The following PTCH1 variants were observed in gnomAD, a reference collection of about 807,000 sequenced individuals.
The protein encoded by PTCH1 is protein patched homolog 1.
Under a neutral mutation model 144.6 loss-of-function variants are expected in PTCH1, and 14 were observed. That is an observed-to-expected ratio of 0.10 (90% confidence interval 0.06 to 0.15). The LOEUF (loss-of-function observed/expected upper bound fraction) is 0.15. Among genes scored for constraint, PTCH1 ranks in the 10% least tolerant of loss-of-function variants. The pLI, the probability that PTCH1 is intolerant of heterozygous loss-of-function variation, is 1.00. For synonymous variants in PTCH1, 833 were observed against 793.6 expected, an observed-to-expected ratio of 1.05 and a Z score of -0.83; for missense variants, 1,623 against 1,948.3, an observed-to-expected ratio of 0.83 and a Z score of 3.14.
Position 95,458,107 on chromosome 9 carries a change from C to T in PTCH1, c.3074G>A (p.Arg1025His), listed in dbSNP as rs370150142. The T allele has an allele frequency of 6.2e-6, 10 of 1,614,084 alleles. No individual in the cohort carries two copies. The highest frequency in any genetic ancestry group is 1.7e-5 in the Admixed American group (1 of 60,006). Residue 1025 changes from arginine to histidine, a missense_variant, in exon 18 of 24, where the codon CGC (arginine) becomes CAC (histidine). By Grantham distance (29) the Arg-to-His change is conservative (BLOSUM62 0). Transcript: ENST00000331920. This position sits in a 1 kb window ranked among gnomAD's most constrained non-coding sequence, Gnocchi z 4.7. ...FLFWEQYIGLRHWLLLFISVV... is the reference protein window; with the variant it reads ...FLFWEQYIGLHHWLLLFISVV... ...GCTGATGAACAGCAGCAGCCAGTGG[C>T]GGAGGCCGATGTACTGCTCCCAGAA...
intron 16 of PTCH1, among the ~76,000 whole-genome samples, chr9:95,460,537 C>CT (rs1448631510): frequency 6.6e-6 from 1 of 152,064 alleles, no homozygotes; most frequent in Non-Finnish European, 1.5e-5. Context: ...CGCTTTGGGT[C>CT]TTTTTTAAAC....
In PTCH1 at chr9:95,449,306, G is replaced by A. The variant is rs62637630; in HGVS notation, c.3567C>T (p.Gly1189=). 1.1e-3 allele frequency: 1,769 copies of A among 1,552,730 alleles called. 14 individuals are homozygous for A. The African/African-American group carries it at 0.021, about 18-fold the overall frequency. The part of the protein sequence containing the change: ...GPYPEVSPAN[G]LNRLPTPSPE... Reference sequence around the variant, plus strand: ...GGGAGGGTGTGGGCAGGCGGTTCAAGCCGTTGGCTGGAGACACCTATTTAA... The same window carrying A: ...GGGAGGGTGTGGGCAGGCGGTTCAAACCGTTGGCTGGAGACACCTATTTAA... Residue 1189 remains glycine, a synonymous_variant, in exon 22 of 24, where the codon GGC becomes GGT. Transcript: ENST00000331920. This position sits in a 1 kb window ranked among gnomAD's most constrained non-coding sequence, Gnocchi z 5.3.
Position 95,449,180 on chromosome 9 carries a change from C to T in PTCH1, c.3693G>A (p.Val1231=), listed in dbSNP as rs376925924. 6.2e-7 allele frequency: 1 copy of T among 1,612,230 alleles called. No individual in the cohort carries two copies. Among genetic ancestry groups the T allele is most frequent in the Non-Finnish European group, 8.5e-7 (1 of 1,179,262 alleles). Reference sequence around the variant, plus strand: ...GCCGAAGCTCCTCGCTGAGGCCTGACACTGTCGTCTGGGAACTATACTCCG... The same window carrying T: ...GCCGAAGCTCCTCGCTGAGGCCTGATACTGTCGTCTGGGAACTATACTCCG... ...SDSEYSSQTT[V]SGLSEELRHY... Residue 1231 remains valine (V), a synonymous_variant, in exon 22 of 24, where the codon GTG becomes GTA. Transcript: ENST00000331920. This position sits in a 1 kb window ranked among gnomAD's most constrained non-coding sequence, Gnocchi z 5.3.
intron 2 of PTCH1, 91 bp downstream of exon 2, chr9:95,506,316 G>A: frequency 7.0e-7 from 1 of 1,428,974 alleles, no homozygotes; most frequent in Non-Finnish European, 9.5e-7. Flanking sequence ...GCCGGCCGCA[G>A]CCAGGCTCTA....
At chr9:95,482,067 T>C (rs1435441549) in intron 4 of PTCH1, 27 bp from the exon 5 acceptor site, 9 of 1,610,924 alleles carry the variant, frequency 5.6e-6, no homozygotes, top group East Asian at 2.2e-5. Context: ...GAAGAGGCCA[T>C]GCGTTAGGTT....
At chr9:95,514,711 A>C (rs912969761) in intron 1 of PTCH1, among the ~76,000 whole-genome samples, 2 of 152,172 alleles carry the variant, frequency 1.3e-5, no homozygotes, top group African/African-American at 4.8e-5. Flanking sequence ...GATTAACCTC[A>C]TCAGTTTATC....
intron 2 of PTCH1, among the ~76,000 whole-genome samples, chr9:95,486,403 C>G (rs963704786): frequency 3.3e-5 from 5 of 152,248 alleles, no homozygotes; most frequent in Non-Finnish European, 7.3e-5. Context: ...TAAAGTGATT[C>G]AAGTCAGATG....
intron 2 of PTCH1, among the ~76,000 whole-genome samples, chr9:95,498,704 T>G (rs1343252804): frequency 6.6e-6 from 1 of 152,086 alleles, no homozygotes; most frequent in East Asian, 1.9e-4. Context: ...GCACCCAAAT[T>G]CAAAGATTAG....
At chr9:95,451,872 C>T (rs1430499681) in intron 20 of PTCH1, 1 of 152,032 alleles carries the variant, frequency 6.6e-6, no homozygotes, top group East Asian at 1.9e-4. Flanking sequence ...AAACACAGAC[C>T]AAAACATTTA....
At chr9:95,516,165 C>G (rs1243170749) in intron 1 of PTCH1, among the ~76,000 whole-genome samples, 1 of 151,106 alleles carries the variant, frequency 6.6e-6, no homozygotes, top group Non-Finnish European at 1.5e-5. Flanking sequence ...CCCCCGGAGC[C>G]GTTCCTCAGC....
intron 12 of PTCH1, among the ~76,000 whole-genome samples, chr9:95,473,542 ATTTTTTT>A (rs34481207): frequency 8.4e-6 from 1 of 119,026 alleles, no homozygotes; most frequent in Non-Finnish European, 1.7e-5. Context: ...TTTCTATCCT[ATTTTTTT>A]TTTTTTTTTT....
intron 20 of PTCH1, chr9:95,451,358 G>C (rs1360598044): frequency 6.6e-6 from 1 of 152,204 alleles, no homozygotes; most frequent in Non-Finnish European, 1.5e-5. Context: ...TTTGACCTTG[G>C]TGAGGCCTTT....
intron 2 of PTCH1, among the ~76,000 whole-genome samples, chr9:95,487,534 C>A (rs1416349519): frequency 6.6e-6 from 1 of 152,176 alleles, no homozygotes; most frequent in African/African-American, 2.4e-5. Flanking sequence ...TACTTAACAC[C>A]ACGCAGACTT....
intron 2 of PTCH1, among the ~76,000 whole-genome samples, chr9:95,491,876 T>C (rs988292158): frequency 6.6e-5 from 10 of 152,196 alleles, no homozygotes; most frequent in Admixed American, 3.9e-4. Flanking sequence ...GAAGATGACA[T>C]GTTACAACTG....
intron 2 of PTCH1, chr9:95,494,514 A>G: frequency 3.3e-6 from 3 of 922,438 alleles, no homozygotes; most frequent in Non-Finnish European, 3.9e-6. Context: ...TTCCATCCGG[A>G]ACAGCGTACT....
chr9:95,492,101 C>A (rs1292744405), intron 2 of PTCH1, among the ~76,000 whole-genome samples: 1 of 152,220 alleles, frequency 6.6e-6, no homozygotes, highest in Non-Finnish European at 1.5e-5. Context: ...CCCTACACAA[C>A]CCACTCCCTG....
chr9:95,482,377 G>GATA, intron 3 of PTCH1, 174 bp from the exon 4 acceptor site: 1 of 635,966 alleles, frequency 1.6e-6, no homozygotes, highest in South Asian at 1.9e-5. Flanking sequence ...TTAATGAATA[G>GATA]ATAATACTCA....
Position 95,508,281 on chromosome 9 carries a change from C to T in PTCH1, c.81G>A (p.Pro27=), listed in dbSNP as rs773299399. 6.4e-7 allele frequency: 1 copy of T among 1,551,336 alleles called. No homozygotes were observed. Among genetic ancestry groups the T allele is most frequent in the South Asian group, 1.2e-5 (1 of 84,772 alleles). ...TCCGTCTGCGCCTCCCGCCTCCAGCCGGCCGTCCCGGGGCACCGATACAGC... is the reference window on the plus strand; with the variant it reads ...TCCGTCTGCGCCTCCCGCCTCCAGCTGGCCGTCCCGGGGCACCGATACAGC... ...GSGCIGAPGR[P]AGGGRRRRTG... is the part of the protein sequence containing the mutation. The change falls in exon 1 of 24, where the codon CCG becomes CCA. Residue 27 remains proline, a synonymous_variant. Transcript: ENST00000331920.
chr9:95,490,395 C>T (rs371754748), intron 2 of PTCH1, among the ~76,000 whole-genome samples: 2 of 151,968 alleles, frequency 1.3e-5, no homozygotes, highest in Non-Finnish European at 2.9e-5. Context: ...GTGTGAGGAT[C>T]GCTTGAGCCC....
Sources: gnomAD v4.1 joint callset for allele counts (sites outside exome capture counted in the v4.1 genomes callset) on GRCh38, gnomAD v4.1.1 for gene constraint, Gnocchi (gnomAD v3.1) non-coding constraint, MANE v1.5 for transcripts, NCBI Gene and HGNC (gene_info 2026-07-23, HGNC 2026-07-21) for gene names.